DMKN: variants seen among roughly 807,000 people sequenced by gnomAD.
The protein encoded by DMKN is epidermis-specific secreted protein SK30/SK89.
A neutral mutation model predicts 67.6 loss-of-function variants in DMKN; 58 were observed. That is an observed-to-expected ratio of 0.86 (90% CI 0.69 to 1.07). DMKN has a LOEUF of 1.07. DMKN is among the 50% of genes least tolerant of loss of function. The pLI is 0.00. For synonymous variants in DMKN, 240 were observed against 232.3 expected, an observed-to-expected ratio of 1.03 and a Z score of -0.30; for missense variants, 596 against 601.5, an observed-to-expected ratio of 0.99 and a Z score of 0.10.
chr19:35,513,220 C>T lies in DMKN; in HGVS notation c.256G>A (p.Val86Ile), dbSNP rs747631646. 4.3e-6 allele frequency: 7 copies of T among 1,614,144 alleles called. No homozygotes were observed. The African/African-American group carries it at 6.7e-5, about 15-fold the overall frequency. ...REAVGTGVRQ[V>I]PGFGVADALG... ...GCATCTGCTACGCCAAAGCCTGGAACCTGCCTGACTCCAGTGCCAACTGCT... is the reference window on the plus strand; with the variant it reads ...GCATCTGCTACGCCAAAGCCTGGAATCTGCCTGACTCCAGTGCCAACTGCT... Residue 86 changes from valine to isoleucine, a missense_variant, in exon 1 of 16, where the codon GTT (valine) becomes ATT (isoleucine). Coordinates refer to ENST00000339686, the MANE Select transcript of DMKN (RefSeq NM_033317.5).
intron 13 of DMKN, 115 bp downstream of exon 13, chr19:35,499,843 G>C: frequency 4.5e-6 from 5 of 1,106,482 alleles, no homozygotes; most frequent in Non-Finnish European, 6.7e-6. Context: ...TGGACTCAAA[G>C]AGAGCGGGAT....
chr19:35,501,644 C>T (rs931127993), intron 11 of DMKN, among the ~76,000 whole-genome samples: 16 of 152,176 alleles, frequency 1.1e-4, no homozygotes, highest in Non-Finnish European at 1.5e-4. Flanking sequence ...CCCAGAGGTT[C>T]TCCCCATCCT....
Position 35,498,874 on chromosome 19 carries a change from C to T in DMKN, c.1383G>A (p.Ser461=), listed in dbSNP as rs760534903. ...PAKGGVSPSS[S]ASRVQPGLLQ... ...ATGAAGATCAGGCCCCCATACTCAC[C>T]GAGGAAGAAGGTGAGACTCCCCCCT... Residue 461 remains serine (S), a splice_region_variant and synonymous_variant, in exon 14 of 16, where the codon TCG becomes TCA. Transcript: ENST00000339686. 3.0e-5 allele frequency: 48 copies of T among 1,613,966 alleles called. No individual in the cohort carries two copies. The highest frequency in any genetic ancestry group is 5.5e-5 in the South Asian group (5 of 91,070).
intron 7 of DMKN, among the ~76,000 whole-genome samples, chr19:35,509,327 T>C (rs544773184): frequency 2.0e-5 from 3 of 152,268 alleles, no homozygotes; most frequent in African/African-American, 4.8e-5. Context: ...TCATAGATTA[T>C]CTAAAAAGAG....
chr19:35,498,681 G>A (rs758445247), intron 15 of DMKN, 35 bp downstream of exon 15: 123 of 1,613,212 alleles, frequency 7.6e-5, no homozygotes, highest in South Asian at 1.4e-4. Flanking sequence ...TCCACTGCCA[G>A]GATGTGGCCT....
At chr19:35,508,185 C>T in intron 7 of DMKN, 2 of 1,552,040 alleles carry the variant, frequency 1.3e-6, no homozygotes, top group Non-Finnish European at 1.7e-6. Context: ...TCTCTGACCC[C>T]ACATCTACCA....
chr19:35,507,210 C>T (rs2069728234), intron 7 of DMKN: 2 of 423,090 alleles, frequency 4.7e-6, no homozygotes, highest in Non-Finnish European at 4.3e-6. Context: ...TCTTCTGTTA[C>T]TTTTATCTGT....
intron 13 of DMKN, chr19:35,499,285 G>A (rs1196887164): frequency 7.3e-6 from 2 of 274,440 alleles, no homozygotes; most frequent in Non-Finnish European, 1.4e-5. Flanking sequence ...TCACCAGCCT[G>A]TAGTTTCTCG....
intron 7 of DMKN, 75 bp from the exon 8 acceptor site, chr19:35,506,061 G>A (rs2069442610): frequency 6.2e-7 from 1 of 1,610,692 alleles, no homozygotes; most frequent in African/African-American, 1.3e-5. Flanking sequence ...TGAGTGGCAG[G>A]AGGGGAGGCG....
At chr19:35,512,305 TTCC>T (rs2070981880) in intron 3 of DMKN, 113 bp downstream of exon 3, 19 of 1,403,806 alleles carry the variant, frequency 1.4e-5, no homozygotes, top group Non-Finnish European at 1.8e-5. Flanking sequence ...GCCCCATCTC[TTCC>T]TCTCACCCCA....
intron 13 of DMKN, 25 bp from the exon 14 acceptor site, chr19:35,498,922 A>G: frequency 1.9e-6 from 3 of 1,614,114 alleles, no homozygotes; most frequent in Non-Finnish European, 2.5e-6. Context: ...AAGGAAAGTG[A>G]TGTGGGGTCA....
chr19:35,500,108 G>T, intron 12 of DMKN, 79 bp from the exon 13 acceptor site: 1 of 1,509,428 alleles, frequency 6.6e-7, no homozygotes, highest in South Asian at 1.1e-5. Context: ...CCACCTTCCT[G>T]CCTGGACCAG....
chr19:35,500,434 G>T (rs1363843645), intron 12 of DMKN, 99 bp downstream of exon 12: 1 of 1,554,234 alleles, frequency 6.4e-7, no homozygotes, highest in African/African-American at 1.4e-5. Flanking sequence ...GAAAGCCATT[G>T]AATGGAGGAG....
At chr19:35,508,228 G>A (rs2069983950) in intron 7 of DMKN, 3 of 1,552,146 alleles carry the variant, frequency 1.9e-6, no homozygotes, top group Non-Finnish European at 1.7e-6. Flanking sequence ...GAAACTCCCT[G>A]TCCTCTGAAG....
chr19:35,507,335 C>A, intron 7 of DMKN: 2 of 926,470 alleles, frequency 2.2e-6, no homozygotes, highest in South Asian at 3.3e-5. Flanking sequence ...TCTTGATGGT[C>A]ACTGGACGCA....
At chr19:35,502,673 T>C (rs1443305605) in intron 10 of DMKN, among the ~76,000 whole-genome samples, 157 bp downstream of exon 10, 1 of 151,564 alleles carries the variant, frequency 6.6e-6, no homozygotes. Context: ...CCACTGTACT[T>C]CAGCCTGGGT....
intron 13 of DMKN, 151 bp from the exon 14 acceptor site, chr19:35,499,048 G>C: frequency 9.0e-7 from 1 of 1,106,462 alleles, no homozygotes; most frequent in Non-Finnish European, 1.3e-6. Context: ...CATTCAGGCT[G>C]TGGAGTTGGT....
At chr19:35,505,218 G>A (rs1360579633) in intron 9 of DMKN, among the ~76,000 whole-genome samples, 3 of 152,078 alleles carry the variant, frequency 2.0e-5, no homozygotes, top group Non-Finnish European at 2.9e-5. Context: ...CCTGCAAGAC[G>A]GAAGGGTAGG....
chr19:35,503,287 G>C, intron 9 of DMKN: 6 of 1,501,810 alleles, frequency 4.0e-6, no homozygotes, highest in Non-Finnish European at 5.3e-6. Context: ...ACGTAAGAAA[G>C]GAGCAGAGGC....
Sources: allele counts gnomAD v4.1 joint callset (sites outside exome capture counted in the v4.1 genomes callset), GRCh38; gene constraint gnomAD v4.1.1; transcripts MANE v1.5; gene names NCBI Gene and HGNC (gene_info 2026-07-23, HGNC 2026-07-21).